Variants in COL23A1 observed in about 807,000 individuals in gnomAD.
The protein encoded by COL23A1 is collagen type XXIII alpha 1 chain.
COL23A1 carries 97 observed loss-of-function variants against 99.3 expected under a neutral mutation model. That is an observed-to-expected ratio of 0.98 (90% CI 0.83 to 1.16). The LOEUF is 1.16. COL23A1 is among the 50% of genes most tolerant of loss of function. COL23A1 has a pLI of 0.00. For synonymous variants in COL23A1, 320 were observed against 308.2 expected (o/e 1.04, Z -0.40); for missense variants, 762 against 757.4 (o/e 1.01, Z -0.07).
rs535425104 is a variant in COL23A1 at position 178,356,475 on chromosome 5, A to T, written c.362-49556T>A. On this transcript the variant is annotated intron_variant, in intron 2 of 28. Transcript: ENST00000390654. The stretch of plus-strand genomic sequence containing the variant: ...AGGTATGTCTGGGGAGAACCAGAAG[A>T]CACCAGGATCGACTGCCTCAGGAGA... 7.9e-4 allele frequency among the ~76,000 whole-genome samples: 120 copies of T among 152,298 alleles called. 1 individual carries two copies. In the Middle Eastern group the frequency reaches 0.01, roughly 13 times the overall value.
chr5:178,451,563 A>G (rs562497974), intron 2 of COL23A1, among the ~76,000 whole-genome samples: 94 of 150,854 alleles, frequency 6.2e-4, no homozygotes, highest in African/African-American at 2.2e-3. Flanking sequence ...GGCCTGAGGC[A>G]GGAAAATTGC....
chr5:178,277,224 G>T (rs1413150302), intron 5 of COL23A1, among the ~76,000 whole-genome samples: 3 of 151,190 alleles, frequency 2.0e-5, no homozygotes, highest in Non-Finnish European at 4.4e-5. Flanking sequence ...AAAAAGGTTG[G>T]GTGTGGTGGC....
chr5:178,557,602 T>A (rs1428733439), intron 2 of COL23A1, among the ~76,000 whole-genome samples: 2 of 152,116 alleles, frequency 1.3e-5, no homozygotes, highest in East Asian at 3.9e-4. Flanking sequence ...CATGCTAGGA[T>A]CCAACAAAAG....
chr5:178,472,376 G>C (rs1756800787), intron 2 of COL23A1, among the ~76,000 whole-genome samples: 1 of 152,162 alleles, frequency 6.6e-6, no homozygotes, highest in Admixed American at 6.5e-5. Flanking sequence ...GTGGATAAGG[G>C]TGTGGGGCGC....
rs1039268977 is a variant in COL23A1 at position 178,478,598 on chromosome 5, C to T, written c.361+82084G>A. Reference sequence around the variant, plus strand: ...TCCCCTGAAATGGGTCCCAGCTGGGCGGCAAACGTTTCCTGTGCCTGCCAA... The same window carrying T: ...TCCCCTGAAATGGGTCCCAGCTGGGTGGCAAACGTTTCCTGTGCCTGCCAA... On this transcript the variant is annotated intron_variant, in intron 2 of 28. Transcript: ENST00000390654. Among the ~76,000 whole-genome samples the T allele has an allele frequency of 3.3e-5, 5 of 152,302 alleles. No individual in the cohort carries two copies. In the East Asian group the frequency reaches 5.8e-4, roughly 18 times the overall value.
chr5:178,383,735 C>T (rs1201480347), intron 2 of COL23A1, among the ~76,000 whole-genome samples: 1 of 152,090 alleles, frequency 6.6e-6, no homozygotes, highest in East Asian at 1.9e-4. Context: ...AGCCGGGAGC[C>T]CCCTGGGGTG....
At chr5:178,549,190 C>T (rs1235297883) in intron 2 of COL23A1, among the ~76,000 whole-genome samples, 1 of 152,006 alleles carries the variant, frequency 6.6e-6, no homozygotes, top group Non-Finnish European at 1.5e-5. Context: ...GACGGGGTTT[C>T]ACCATGTTGG....
At chr5:178,258,239 ATATATATAT>A (rs750921851) in intron 12 of COL23A1, among the ~76,000 whole-genome samples, 17,379 of 97,368 alleles carry the variant, frequency 0.18, 1,864 homozygotes, top group Admixed American at 0.28. Context: ...GTCTTAAAAT[ATATATATAT>A]ATATATATAT....
At position 178,419,072 on chromosome 5, in the gene COL23A1, G is replaced by A. The variant is rs181193550; in HGVS notation, c.362-112153C>T. Among the ~76,000 whole-genome samples the A allele has an allele frequency of 7.2e-5, 11 of 152,294 alleles. No homozygotes were observed. The East Asian group carries it at 2.1e-3, about 29-fold the overall frequency. On this transcript the variant is annotated intron_variant, in intron 2 of 28. Coordinates refer to ENST00000390654, the MANE Select transcript of COL23A1 (RefSeq NM_173465.4). ...GCAGCAAACACAGTTGCCCCATCCT[G>A]TCTGCTCCCTGTCCTCCTCCACCCA...
chr5:178,397,236 TC>T (rs1322117621), intron 2 of COL23A1, among the ~76,000 whole-genome samples: 1 of 152,136 alleles, frequency 6.6e-6, no homozygotes, highest in East Asian at 1.9e-4. Flanking sequence ...ACTCAGCACT[TC>T]GGATACACCG....
At chr5:178,562,733 T>TGGGGGCGGGGG in intron 1 of COL23A1, 2 of 97,698 alleles carry the variant, frequency 2.0e-5, no homozygotes, top group South Asian at 6.6e-4. Flanking sequence ...CGCTGGCTGG[T>TGGGGGCGGGGG]GGTGGGGGGG....
At chr5:178,301,488 T>C (rs1383900914) in intron 3 of COL23A1, among the ~76,000 whole-genome samples, 1 of 152,268 alleles carries the variant, frequency 6.6e-6, no homozygotes, top group Non-Finnish European at 1.5e-5. Context: ...CCTACTTTCC[T>C]GTCTTCTAAT....
chr5:178,287,417 T>C (rs1356791801), intron 5 of COL23A1, among the ~76,000 whole-genome samples: 1 of 152,230 alleles, frequency 6.6e-6, no homozygotes, highest in Non-Finnish European at 1.5e-5. Context: ...CCTTCATCTC[T>C]GCATTCACAG....
chr5:178,404,816 G>A (rs1295112566), intron 2 of COL23A1, among the ~76,000 whole-genome samples: 1 of 152,150 alleles, frequency 6.6e-6, no homozygotes, highest in East Asian at 1.9e-4. Flanking sequence ...CCTGGGGTGT[G>A]CGAGCTGCAA....
intron 2 of COL23A1, among the ~76,000 whole-genome samples, chr5:178,337,211 C>T (rs901303615): frequency 6.6e-6 from 1 of 152,234 alleles, no homozygotes; most frequent in Admixed American, 6.5e-5. Context: ...CCATCCTCCC[C>T]ACAGCCTGCG....
At chr5:178,338,428 C>T (rs561736709) in intron 2 of COL23A1, among the ~76,000 whole-genome samples, 6 of 152,200 alleles carry the variant, frequency 3.9e-5, no homozygotes, top group East Asian at 3.9e-4. Context: ...ACTGCCTTCC[C>T]GCAAAGAGCA....
chr5:178,496,287 C>T (rs1051476480), intron 2 of COL23A1, among the ~76,000 whole-genome samples: 2 of 152,082 alleles, frequency 1.3e-5, no homozygotes, highest in African/African-American at 2.4e-5. Flanking sequence ...GATGAGGCCC[C>T]GAAGCCACTC....
At chr5:178,558,981 G>C (rs1488861320) in intron 2 of COL23A1, among the ~76,000 whole-genome samples, 1 of 152,000 alleles carries the variant, frequency 6.6e-6, no homozygotes, top group Non-Finnish European at 1.5e-5. Flanking sequence ...GTAGAGACAG[G>C]GTTTCACCAC....
rs76341701 is a variant in COL23A1, at chr5:178,553,521, T to A, written c.361+7161A>T. On this transcript the variant is annotated intron_variant, in intron 2 of 28. Transcript: ENST00000390654. ...GCCCATCCTTGGAAACCAAGCACAA[T>A]GTCTCTGCAATATTCTGCAAGGATC... Among the ~76,000 whole-genome samples, 273 of 152,342 alleles carry A rather than the reference T, an allele frequency of 1.8e-3. 2 individuals are homozygous for A. The highest frequency in any genetic ancestry group is 6.2e-3 in the African/African-American group (259 of 41,576).
Sources: gnomAD v4.1 joint callset for allele counts (sites outside exome capture counted in the v4.1 genomes callset) on GRCh38, gnomAD v4.1.1 for gene constraint, MANE v1.5 for transcripts, NCBI Gene and HGNC (gene_info 2026-07-23, HGNC 2026-07-21) for gene names.